The following NIPA1 variants were observed in gnomAD, a reference collection of about 807,000 sequenced individuals.
The protein encoded by NIPA1 is magnesium transporter NIPA1.
A neutral mutation model predicts 23.9 loss-of-function variants in NIPA1; 13 were observed. The observed-to-expected ratio is 0.54, with a 90% confidence interval of 0.35 to 0.87. The LOEUF (loss-of-function observed/expected upper bound fraction) is 0.87, where lower values mean the gene tolerates loss of function less well. NIPA1 is among the 40% of genes least tolerant of loss of function. The pLI is 0.01. For synonymous variants in NIPA1, 234 were observed against 202.9 expected (o/e 1.15, Z -1.30); for missense variants, 362 against 429.7 (o/e 0.84, Z 1.39).
At chr15:22,809,986 C>T (rs774311321) in intron 1 of NIPA1, among the ~76,000 whole-genome samples, 8 of 151,970 alleles carry the variant, frequency 5.3e-5, no homozygotes, top group Admixed American at 2.6e-4. Context: ...GCGGAGGTTG[C>T]GGTGAGCCGA....
At chr15:22,820,276 G>C in intron 3 of NIPA1, 37 bp from the exon 4 acceptor site, 2 of 1,414,268 alleles carry the variant, frequency 1.4e-6, no homozygotes, top group Non-Finnish European at 2.0e-6. Context: ...CAGGTAGTTT[G>C]GTTTAAACTT....
intron 1 of NIPA1, among the ~76,000 whole-genome samples, chr15:22,788,219 C>T (rs892925042): frequency 1.3e-5 from 2 of 151,924 alleles, no homozygotes; most frequent in African/African-American, 4.8e-5. Flanking sequence ...GAACATCTTG[C>T]GGCCGGGCGC....
chr15:22,808,349 T>G (rs566981438), intron 1 of NIPA1, among the ~76,000 whole-genome samples: 9 of 152,358 alleles, frequency 5.9e-5, no homozygotes, highest in African/African-American at 2.2e-4. Flanking sequence ...GGGTCCTGTT[T>G]GTATTAGATA....
chr15:22,816,802 C>CTT (rs1011943812), intron 3 of NIPA1, among the ~76,000 whole-genome samples: 5 of 151,630 alleles, frequency 3.3e-5, no homozygotes, highest in African/African-American at 7.3e-5. Flanking sequence ...AGGACCTGAT[C>CTT]TTATATAGAG....
rs59308538 is a variant in NIPA1, at chr15:22,822,908, GTT to G, written c.479-793_479-792del. ...TGTAAACATTTAGGAGCTGTAAATG[GTT>G]TTTTTTTTTTTTTTTTTTTTTTTTT... On this transcript the variant is annotated intron_variant, in intron 4 of 4. Transcript: ENST00000337435. Among the ~76,000 whole-genome samples the G allele has an allele frequency of 7.6e-3, 693 of 91,382 alleles. 12 individuals carry two copies. In the East Asian group the frequency reaches 0.098, roughly 13 times the overall value. The allele number at this position is 91,382 out of a possible 152,430, so 60.0% of individuals were successfully genotyped here. A position where few individuals can be genotyped will look rare whatever the true frequency, so the allele number is the denominator to read the frequency against.
intron 1 of NIPA1, among the ~76,000 whole-genome samples, chr15:22,802,567 G>T (rs1001762933): frequency 6.6e-6 from 1 of 151,622 alleles, no homozygotes; most frequent in Non-Finnish European, 1.5e-5. Context: ...TTAAGTATTG[G>T]GGTATAATTG....
intron 1 of NIPA1, among the ~76,000 whole-genome samples, chr15:22,797,755 G>A (rs560455831): frequency 7.2e-5 from 11 of 151,782 alleles, no homozygotes; most frequent in East Asian, 5.8e-4. Flanking sequence ...CGCCCACCTC[G>A]GCCTCCCAAA....
At chr15:22,788,284 A>C (rs983026111) in intron 1 of NIPA1, among the ~76,000 whole-genome samples, 2 of 151,194 alleles carry the variant, frequency 1.3e-5, no homozygotes, top group African/African-American at 4.9e-5. Context: ...GGCGGGTCAC[A>C]AGGTCAGGAG....
At chr15:22,810,873 C>A in intron 2 of NIPA1, 77 bp downstream of exon 2, 1 of 1,152,948 alleles carries the variant, frequency 8.7e-7, no homozygotes, top group Non-Finnish European at 1.3e-6. Flanking sequence ...GCTGGAGTGG[C>A]TGGGCTAGGG....
chr15:22,801,655 T>C (rs1895084102), intron 1 of NIPA1, among the ~76,000 whole-genome samples: 1 of 151,826 alleles, frequency 6.6e-6, no homozygotes, highest in Admixed American at 6.6e-5. Flanking sequence ...TAGCTAGGAC[T>C]ACAGGCACCC....
chr15:22,820,010 C>G (rs1478548479), intron 3 of NIPA1, among the ~76,000 whole-genome samples: 1 of 151,968 alleles, frequency 6.6e-6, no homozygotes, highest in Non-Finnish European at 1.5e-5. Context: ...CCTGGGCAAT[C>G]TAGTGAGACC....
chr15:22,815,420 G>A, intron 3 of NIPA1, among the ~76,000 whole-genome samples: 1 of 151,314 alleles, frequency 6.6e-6, no homozygotes, highest in South Asian at 2.1e-4. Context: ...GCCAAGGCAG[G>A]TGGATCATTT....
Position 22,818,665 on chromosome 15 carries a change from C to T in NIPA1, c.318-1648C>T, listed in dbSNP as rs969954793. On this transcript the variant is annotated intron_variant, in intron 3 of 4. Transcript: ENST00000337435. ...ACAAAAATCCCCCAGGGCATGGTGG[C>T]GGGCATCTGTAATCCCAGCTACTCG... is the stretch of plus-strand genomic sequence containing the variant. Among the ~76,000 whole-genome samples the T allele has an allele frequency of 6.6e-5, 10 of 151,712 alleles. 1 individual carries two copies. The highest frequency in any genetic ancestry group is 6.3e-3 in the Middle Eastern group (2 of 316).
At chr15:22,814,896 A>C (rs1388767329) in intron 3 of NIPA1, among the ~76,000 whole-genome samples, 2 of 152,248 alleles carry the variant, frequency 1.3e-5, no homozygotes, top group East Asian at 3.9e-4. Flanking sequence ...AGCACTGTTG[A>C]TGCTTGAAGC....
intron 1 of NIPA1, among the ~76,000 whole-genome samples, chr15:22,807,863 A>G (rs1256838683): frequency 6.6e-6 from 1 of 151,036 alleles, no homozygotes; most frequent in Non-Finnish European, 1.5e-5. Flanking sequence ...GGCTTACTGC[A>G]AGCTCTGCCT....
chr15:22,816,508 T>C (rs1353513607), intron 3 of NIPA1, among the ~76,000 whole-genome samples: 1 of 134,466 alleles, frequency 7.4e-6, no homozygotes, highest in African/African-American at 2.8e-5. Flanking sequence ...TTTTTTTTTT[T>C]TCAGATGGAG....
chr15:22,821,303 A>G (rs1000876921), intron 4 of NIPA1, among the ~76,000 whole-genome samples: 18 of 152,238 alleles, frequency 1.2e-4, no homozygotes, highest in African/African-American at 4.3e-4. Flanking sequence ...ACTACTATCT[A>G]CGTGATTACA....
At chr15:22,798,553 T>TA (rs534667934) in intron 1 of NIPA1, among the ~76,000 whole-genome samples, 37,398 of 137,994 alleles carry the variant, frequency 0.27, 5,094 homozygotes, top group Admixed American at 0.38. Flanking sequence ...CTAAAAATCT[T>TA]AAAAAAAAAA....
intron 1 of NIPA1, among the ~76,000 whole-genome samples, chr15:22,790,128 A>G (rs57900229): frequency 0.019 from 2,835 of 152,030 alleles, 77 homozygotes; most frequent in African/African-American, 0.064. Flanking sequence ...ACAGGAATGA[A>G]AGGAAGTAAA....
Sources: allele counts gnomAD v4.1 joint callset (sites outside exome capture counted in the v4.1 genomes callset), GRCh38; gene constraint gnomAD v4.1.1; transcripts MANE v1.5; gene names NCBI Gene and HGNC (gene_info 2026-07-23, HGNC 2026-07-21).